INSR: variants seen among roughly 807,000 people sequenced by gnomAD.
The protein encoded by INSR is insulin receptor.
A neutral mutation model predicts 142.6 loss-of-function variants in INSR; 67 were observed. That is an observed-to-expected ratio of 0.47 (90% CI 0.39 to 0.58). INSR has a LOEUF of 0.58. INSR is among the 20% of genes least tolerant of loss of function. INSR has a pLI of 0.00. For missense variants in INSR, 1,248 were observed against 1,833.2 expected, an observed-to-expected ratio of 0.68 and a Z score of 5.83; for synonymous variants, 756 against 743.1, an observed-to-expected ratio of 1.02 and a Z score of -0.28.
intron 2 of INSR, among the ~76,000 whole-genome samples, chr19:7,260,501 C>G (rs1977025387): frequency 6.6e-6 from 1 of 152,188 alleles, no homozygotes; most frequent in Non-Finnish European, 1.5e-5. Flanking sequence ...TCAGGGTGGT[C>G]TTCCCTCTGG....
chr19:7,119,856 A>T lies in INSR; in HGVS notation c.3660-273T>A, dbSNP rs79631971. Among the ~76,000 whole-genome samples the T allele has an allele frequency of 2.2e-5, 1 of 44,814 alleles. No homozygotes were observed. The highest frequency in any genetic ancestry group is 5.9e-5 in the Non-Finnish European group (1 of 17,012). The allele number at this position is 44,814 out of a possible 152,430, so 29.4% of individuals were successfully genotyped here. A position where few individuals can be genotyped will look rare whatever the true frequency, so the allele number is the denominator to read the frequency against. ...CACACACACCCAAACACACACACGCACACACATGCAAACACACACAAACAC... is the reference window on the plus strand; with the variant it reads ...CACACACACCCAAACACACACACGCTCACACATGCAAACACACACAAACAC... On this transcript the variant is annotated intron_variant, in intron 20 of 21. Transcript: ENST00000302850. The surrounding 1 kb of genome is among the most constrained non-coding windows in gnomAD (Gnocchi z 5.2).
intron 1 of INSR, among the ~76,000 whole-genome samples, chr19:7,286,378 AT>A (rs201034025): frequency 6.6e-6 from 1 of 151,288 alleles, no homozygotes; most frequent in South Asian, 2.1e-4. Context: ...GGGGGACAAG[AT>A]TTTTTTTTAT....
chr19:7,123,251 C>T (rs1455440628), intron 17 of INSR: 8 of 439,486 alleles, frequency 1.8e-5, no homozygotes, highest in Non-Finnish European at 3.0e-5. Context: ...TCACTGCAAC[C>T]TTTGCCTCCC....
intron 13 of INSR, among the ~76,000 whole-genome samples, chr19:7,134,939 G>C (rs955649224): frequency 6.7e-6 from 1 of 149,406 alleles, no homozygotes; most frequent in Non-Finnish European, 1.5e-5. Context: ...GAAGAGACAG[G>C]AGGCTCTTGG....
chr19:7,221,490 C>T (rs1183840953), intron 2 of INSR, among the ~76,000 whole-genome samples: 1 of 151,350 alleles, frequency 6.6e-6, no homozygotes, highest in East Asian at 2.0e-4. Context: ...GGCGGATCAC[C>T]TGAGGTCAGG....
At chr19:7,206,608 A>T (rs1418463871) in intron 2 of INSR, among the ~76,000 whole-genome samples, 3 of 152,084 alleles carry the variant, frequency 2.0e-5, no homozygotes, top group Non-Finnish European at 4.4e-5. Context: ...TCTTTATGAG[A>T]ATCTAATGCT....
At chr19:7,141,543 A>T in intron 13 of INSR, 134 bp downstream of exon 13, 1 of 1,288,766 alleles carries the variant, frequency 7.8e-7, no homozygotes, top group Non-Finnish European at 1.1e-6. Flanking sequence ...TCAAGGCTTT[A>T]AGTACTAATA....
chr19:7,170,934 A>G (rs891440414), intron 5 of INSR, among the ~76,000 whole-genome samples, 183 bp from the exon 6 acceptor site: 1 of 152,142 alleles, frequency 6.6e-6, no homozygotes, highest in Non-Finnish European at 1.5e-5. Flanking sequence ...GGAAGTTTTC[A>G]TGGCCAGGAA....
At position 7,121,259 on chromosome 19, in the gene INSR, A is replaced by C. The variant is rs188486061; in HGVS notation, c.3530-510T>G. ...GGTAATCTACCCACCTCAGCCTCCC[A>C]AAGTGCTGGGATTACAGGGGTGAGC... On this transcript the variant is annotated intron_variant, in intron 19 of 21. Transcript: ENST00000302850. Among the ~76,000 whole-genome samples the C allele has an allele frequency of 1.6e-4, 25 of 152,140 alleles. No individual in the cohort carries two copies. The East Asian group carries it at 4.9e-3, about 30-fold the overall frequency.
chr19:7,119,717 C>T lies in INSR; in HGVS notation c.3660-134G>A, dbSNP rs1045728051. On this transcript the variant is annotated intron_variant, in intron 20 of 21. Coordinates refer to ENST00000302850, the MANE Select transcript of INSR (RefSeq NM_000208.4). The surrounding 1 kb of genome is among the most constrained non-coding windows in gnomAD (Gnocchi z 5.2). ...GCCAACACATACATGCAAACACACA[C>T]ATGCAAACACACACGCACATACACG... The T allele has an allele frequency of 6.2e-6, 6 of 969,902 alleles. No homozygotes were observed. Among genetic ancestry groups the T allele is most frequent in the African/African-American group, 4.8e-5 (3 of 62,254 alleles). The allele number at this position is 969,902 out of a possible 1,614,324, so 60.1% of individuals were successfully genotyped here.
At chr19:7,276,433 A>C (rs1296477853) in intron 1 of INSR, among the ~76,000 whole-genome samples, 1 of 145,914 alleles carries the variant, frequency 6.9e-6, no homozygotes, top group Non-Finnish European at 1.5e-5. Flanking sequence ...GTGAGCCATC[A>C]AGCCCGGCCA....
intron 2 of INSR, among the ~76,000 whole-genome samples, chr19:7,232,009 T>C (rs1316726831): frequency 1.3e-5 from 2 of 152,106 alleles, no homozygotes; most frequent in Non-Finnish European, 2.9e-5. Flanking sequence ...ACCCGCTTCT[T>C]CAATAAAACC....
intron 3 of INSR, among the ~76,000 whole-genome samples, chr19:7,177,053 C>G (rs1265527001): frequency 6.6e-6 from 1 of 152,120 alleles, no homozygotes; most frequent in East Asian, 1.9e-4. Flanking sequence ...CAGCCTGCAG[C>G]CTGATGCCAT....
intron 11 of INSR, among the ~76,000 whole-genome samples, chr19:7,145,500 T>G (rs1479418949): frequency 6.6e-6 from 1 of 152,230 alleles, no homozygotes; most frequent in Non-Finnish European, 1.5e-5. Flanking sequence ...TTGGCTTTCC[T>G]GGGTTTTCAA....
rs140852238 is a variant in INSR at position 7,267,846 on chromosome 19, C to T, written c.151G>A (p.Glu51Lys). 237 of 1,614,096 alleles carry T rather than the reference C, an allele frequency of 1.5e-4. No individual in the cohort carries two copies. In the Admixed American group the frequency reaches 2.6e-3, roughly 18 times the overall value. ...TGTCCTTCGATGACAGAGCAATTCT[C>T]CAGCTCATGCAACCTAGTGAGGTTG... ...RNNLTRLHEL[E>K]NCSVIEGHLQ... The change falls in exon 2 of 22, where the codon GAG becomes AAG. Residue 51 changes from glutamate (E) to lysine (K), a missense_variant. Transcript: ENST00000302850. This position sits in a 1 kb window ranked among gnomAD's most constrained non-coding sequence, Gnocchi z 6.3.
At chr19:7,120,591 G>A (rs200677311) in intron 20 of INSR, 29 bp downstream of exon 20, 26 of 1,613,424 alleles carry the variant, frequency 1.6e-5, no homozygotes, top group South Asian at 6.6e-5. Flanking sequence ...CAAGCCCAGC[G>A]TCCATCCACC....
Position 7,173,468 on chromosome 19 carries a change from G to A in INSR, c.1124-1034C>T, listed in dbSNP as rs149274610. Among the ~76,000 whole-genome samples the A allele has an allele frequency of 5.0e-3, 756 of 151,218 alleles. 6 individuals are homozygous for A. The highest frequency in any genetic ancestry group is 0.018 in the African/African-American group (724 of 41,168). ...CAAGTAGCTAGGACTACAGGCATGT[G>A]CCACCGTGCCCAGCTAATTTTTGTA... is the stretch of plus-strand genomic sequence containing the variant. On this transcript the variant is annotated intron_variant, in intron 4 of 21. Coordinates refer to ENST00000302850, the MANE Select transcript of INSR (RefSeq NM_000208.4).
At chr19:7,199,835 T>A (rs35158638) in intron 2 of INSR, among the ~76,000 whole-genome samples, 15 of 94,978 alleles carry the variant, frequency 1.6e-4, no homozygotes, top group African/African-American at 6.8e-4. Flanking sequence ...ACGAGACACA[T>A]ACGCCCCGTG....
chr19:7,117,456 C>G, intron 21 of INSR, 46 bp from the exon 22 acceptor site: 1 of 1,446,136 alleles, frequency 6.9e-7, no homozygotes, highest in Non-Finnish European at 9.6e-7. Flanking sequence ...GGGGCCCTGC[C>G]ACGCATCCTC....
Sources: allele counts gnomAD v4.1 joint callset (sites outside exome capture counted in the v4.1 genomes callset), GRCh38; gene constraint gnomAD v4.1.1; non-coding constraint Gnocchi (gnomAD v3.1); transcripts MANE v1.5; gene names NCBI Gene and HGNC (gene_info 2026-07-23, HGNC 2026-07-21).